MAGI1: variants seen among roughly 807,000 people sequenced by gnomAD.
MAGI1 encodes the protein membrane associated guanylate kinase, WW and PDZ domain containing 1, also known as membrane-associated guanylate kinase, WW and PDZ domain-containing protein 1.
MAGI1 carries 58 observed loss-of-function variants against 139.9 expected under a neutral mutation model. The ratio of observed to expected loss-of-function variants is 0.41; its 90% CI spans 0.34 to 0.52. The LOEUF is 0.52. Ranked by LOEUF, MAGI1 falls within the 20% of genes least tolerant of loss-of-function variation. The probability of loss-of-function intolerance (pLI) is 0.12; values close to 1 mark genes in which losing one functional copy is unlikely to be tolerated. For synonymous variants in MAGI1, 812 were observed against 737.9 expected (o/e 1.10, Z -1.63); for missense variants, 1,874 against 1,901.6 (o/e 0.99, Z 0.27).
rs79949521 is a variant in MAGI1, at chr3:65,872,452, T to C, written c.313+165544A>G. On this transcript the variant is annotated intron_variant, in intron 1 of 22. Transcript: ENST00000402939. ...TTCATCAATTTCTCTTTCTCTTTCC[T>C]GTCCCTAACCTGCACACACTGGAGG... is the stretch of plus-strand genomic sequence containing the variant. Among the ~76,000 whole-genome samples the C allele has an allele frequency of 6.7e-3, 1,013 of 152,308 alleles. 11 individuals carry two copies. The highest frequency in any genetic ancestry group is 0.023 in the African/African-American group (968 of 41,552).
At chr3:65,381,366 A>G (rs960974182) in intron 16 of MAGI1, among the ~76,000 whole-genome samples, 4 of 152,174 alleles carry the variant, frequency 2.6e-5, no homozygotes, top group Non-Finnish European at 4.4e-5. Flanking sequence ...ATGGGCAGGA[A>G]GAAGGAATCA....
At chr3:66,036,326 C>A (rs900386160) in intron 1 of MAGI1, among the ~76,000 whole-genome samples, 2 of 152,180 alleles carry the variant, frequency 1.3e-5, no homozygotes, top group African/African-American at 4.8e-5. Context: ...GACGCATTGT[C>A]AGGCCAGGAA....
At chr3:65,915,863 T>A (rs1426706242) in intron 1 of MAGI1, among the ~76,000 whole-genome samples, 3 of 152,034 alleles carry the variant, frequency 2.0e-5, no homozygotes, top group Non-Finnish European at 2.9e-5. Context: ...AAAAAAGGAC[T>A]CAACTTAGTG....
At position 65,536,921 on chromosome 3, in the gene MAGI1, A is replaced by G. The variant is rs540739606; in HGVS notation, c.431-43290T>C. Among the ~76,000 whole-genome samples, 21 of 152,328 alleles carry G rather than the reference A, an allele frequency of 1.4e-4. No individual in the cohort carries two copies. In the South Asian group the frequency reaches 3.9e-3, roughly 29 times the overall value. On this transcript the variant is annotated intron_variant, in intron 2 of 22. Coordinates refer to ENST00000402939, the MANE Select transcript of MAGI1 (RefSeq NM_001033057.2). ...GATTGCTAACATGGTTTGGGTACCC[A>G]GAGCCAGCCATGCCCGTAGGTAGTT...
chr3:65,869,269 AAAC>A (rs1381406009), intron 1 of MAGI1, among the ~76,000 whole-genome samples: 5 of 151,346 alleles, frequency 3.3e-5, no homozygotes, highest in African/African-American at 7.3e-5. Flanking sequence ...AAAAAAAAAA[AAAC>A]AACAACTAAT....
intron 1 of MAGI1, among the ~76,000 whole-genome samples, chr3:65,781,273 A>G (rs1245070632): frequency 6.6e-6 from 1 of 152,220 alleles, no homozygotes; most frequent in African/African-American, 2.4e-5. Flanking sequence ...GAGCCTTCCC[A>G]AACAGATACT....
chr3:65,575,584 G>C (rs2081143680), intron 2 of MAGI1, among the ~76,000 whole-genome samples: 1 of 152,116 alleles, frequency 6.6e-6, no homozygotes, highest in Non-Finnish European at 1.5e-5. Context: ...GTTCATAGCA[G>C]CTTAATCTGT....
rs113562374 is a variant in MAGI1 at position 65,439,928 on chromosome 3, TTGCTGC to T, written c.1215_1220del (p.Gln420_Gln421del). The T allele has an allele frequency of 1.2e-6, 2 of 1,604,500 alleles. No individual in the cohort carries two copies. The highest frequency in any genetic ancestry group is 1.1e-5 in the South Asian group (1 of 90,630). On this transcript the variant is annotated inframe_deletion, in exon 9 of 23. Coordinates refer to ENST00000402939, the MANE Select transcript of MAGI1 (RefSeq NM_001033057.2). ...GCTGCTGCTGCTGTTGCTGCTGCTGTTGCTGCTGCTGCTGCTGCTCAAGCTGCTTCT... is the reference window on the plus strand; with the variant it reads ...GCTGCTGCTGCTGTTGCTGCTGCTGTTGCTGCTGCTGCTCAAGCTGCTTCT...
At chr3:65,760,388 ATTTTT>A (rs5849690) in intron 1 of MAGI1, among the ~76,000 whole-genome samples, 5 of 145,210 alleles carry the variant, frequency 3.4e-5, no homozygotes, top group Non-Finnish European at 6.1e-5. Context: ...CAGAGCGGTA[ATTTTT>A]TTTTTTTTTT....
intron 1 of MAGI1, among the ~76,000 whole-genome samples, chr3:65,952,525 C>A (rs2063913800): frequency 6.6e-6 from 1 of 152,174 alleles, no homozygotes; most frequent in African/African-American, 2.4e-5. Flanking sequence ...ACCAGAAAGA[C>A]CACATAAGGC....
chr3:65,507,822 C>T (rs1305228529), intron 2 of MAGI1, among the ~76,000 whole-genome samples: 3 of 152,164 alleles, frequency 2.0e-5, no homozygotes, highest in Non-Finnish European at 4.4e-5. Flanking sequence ...TATATAGTTT[C>T]TAGATAGATG....
intron 1 of MAGI1, among the ~76,000 whole-genome samples, chr3:66,003,104 A>G (rs2066833857): frequency 6.6e-6 from 1 of 152,072 alleles, no homozygotes; most frequent in South Asian, 2.1e-4. Context: ...ATGAAAGAAG[A>G]AGAGATAACT....
At chr3:66,036,982 C>T (rs1211119012) in intron 1 of MAGI1, among the ~76,000 whole-genome samples, 1 of 152,192 alleles carries the variant, frequency 6.6e-6, no homozygotes, top group Non-Finnish European at 1.5e-5. Flanking sequence ...CTACAGATTT[C>T]TGAGAGAGGA....
chr3:65,412,983 G>T (rs1219429239), intron 12 of MAGI1, among the ~76,000 whole-genome samples: 1 of 152,124 alleles, frequency 6.6e-6, no homozygotes, highest in South Asian at 2.1e-4. Flanking sequence ...GGTAAGGATA[G>T]CTTCATATCC....
chr3:65,592,379 G>A (rs560947561), intron 2 of MAGI1, among the ~76,000 whole-genome samples: 3 of 152,120 alleles, frequency 2.0e-5, no homozygotes, highest in Non-Finnish European at 4.4e-5. Flanking sequence ...GGAGTTAATA[G>A]AGCATTATCA....
At chr3:65,445,733 T>C (rs1322001904) in intron 7 of MAGI1, among the ~76,000 whole-genome samples, 1 of 152,134 alleles carries the variant, frequency 6.6e-6, no homozygotes, top group Non-Finnish European at 1.5e-5. Flanking sequence ...CCAAAGTACA[T>C]AATGGAGCAA....
At chr3:65,947,516 TATA>T (rs1434154820) in intron 1 of MAGI1, among the ~76,000 whole-genome samples, 1 of 152,220 alleles carries the variant, frequency 6.6e-6, no homozygotes, top group Non-Finnish European at 1.5e-5. Flanking sequence ...TGAGATAAGC[TATA>T]ATAAAATTAT....
intron 5 of MAGI1, among the ~76,000 whole-genome samples, chr3:65,461,468 G>A (rs533688369): frequency 7.0e-6 from 1 of 143,322 alleles, no homozygotes; most frequent in South Asian, 2.2e-4. Context: ...GCCCATCTTG[G>A]CCTCCCAATG....
At chr3:65,426,964 C>G (rs1478782343) in intron 12 of MAGI1, among the ~76,000 whole-genome samples, 1 of 152,066 alleles carries the variant, frequency 6.6e-6, no homozygotes, top group East Asian at 1.9e-4. Context: ...AATGTAACAC[C>G]ATTAATGAGA....
Sources: gnomAD v4.1 joint callset for allele counts (sites outside exome capture counted in the v4.1 genomes callset) on GRCh38, gnomAD v4.1.1 for gene constraint, MANE v1.5 for transcripts, NCBI Gene and HGNC (gene_info 2026-07-23, HGNC 2026-07-21) for gene names.